ADH5: variants seen among roughly 807,000 people sequenced by gnomAD.
The protein encoded by ADH5 is alcohol dehydrogenase 5 (class III), chi polypeptide.
Under a neutral mutation model 40.3 loss-of-function variants are expected in ADH5, and 32 were observed. That is an observed-to-expected ratio of 0.79 (90% CI 0.60 to 1.07). The LOEUF is 1.07. Among genes scored for constraint, ADH5 ranks in the 50% least tolerant of loss-of-function variants. The probability of loss-of-function intolerance (pLI) is 0.00; values close to 1 mark genes in which losing one functional copy is unlikely to be tolerated. For missense variants in ADH5, 353 were observed against 460.5 expected (o/e 0.77, Z 2.14); for synonymous variants, 125 against 154.3 (o/e 0.81, Z 1.41).
chr4:99,077,907 TA>T (rs1481585510), intron 4 of ADH5, among the ~76,000 whole-genome samples: 1 of 152,216 alleles, frequency 6.6e-6, no homozygotes, highest in Non-Finnish European at 1.5e-5. Context: ...GCAAGTTAAT[TA>T]ATCTTTATGC....
intron 7 of ADH5, 92 bp from the exon 8 acceptor site, chr4:99,072,803 T>G: frequency 2.5e-6 from 3 of 1,220,892 alleles, no homozygotes; most frequent in Non-Finnish European, 3.5e-6. Flanking sequence ...AGAATGAATT[T>G]TTTGATGAGT....
intron 7 of ADH5, among the ~76,000 whole-genome samples, chr4:99,073,200 A>G (rs1232644660): frequency 6.6e-6 from 1 of 152,144 alleles, no homozygotes; most frequent in Non-Finnish European, 1.5e-5. Flanking sequence ...TGTTTTTGAG[A>G]CGGAGTCTCG....
chr4:99,083,600 C>CAAAAAAAA (rs6148593), intron 2 of ADH5, among the ~76,000 whole-genome samples: 1 of 85,168 alleles, frequency 1.2e-5, no homozygotes. Context: ...ACTCTGTCTC[C>CAAAAAAAA]AAAAAAAAAA....
At chr4:99,082,441 T>C (rs772719561) in intron 2 of ADH5, among the ~76,000 whole-genome samples, 5 of 152,224 alleles carry the variant, frequency 3.3e-5, no homozygotes, top group African/African-American at 1.2e-4. Flanking sequence ...CCTTCAAGCA[T>C]GGAGAGAACC....
At chr4:99,078,698 G>A (rs954605901) in intron 4 of ADH5, among the ~76,000 whole-genome samples, 4 of 152,166 alleles carry the variant, frequency 2.6e-5, no homozygotes, top group Admixed American at 2.6e-4. Flanking sequence ...CACTGCACCC[G>A]ACTAAAAATA....
intron 4 of ADH5, among the ~76,000 whole-genome samples, chr4:99,077,918 C>T (rs577768256): frequency 5.9e-5 from 9 of 152,200 alleles, no homozygotes; most frequent in Non-Finnish European, 1.0e-4. Flanking sequence ...AATCTTTATG[C>T]CTTCATTTTC....
In ADH5 at chr4:99,071,383, C is replaced by G. The variant is rs1456299106; in HGVS notation, c.*1034G>C. On this transcript the variant is annotated 3_prime_UTR_variant, in exon 9 of 9. Transcript: ENST00000296412. ...AGTGAGCCCAATGCAGAAGAATGTT[C>G]CACTACAGTGTTATAATACAGAAAC... is the stretch of plus-strand genomic sequence containing the variant. 1 of 152,198 alleles carries G rather than the reference C, an allele frequency of 6.6e-6. No homozygotes were observed. The highest frequency in any genetic ancestry group is 1.5e-5 in the Non-Finnish European group (1 of 68,046). The allele number at this position is 152,198 out of a possible 1,614,324, so 9.4% of individuals were successfully genotyped here. A position where few individuals can be genotyped will look rare whatever the true frequency, so the allele number is the denominator to read the frequency against.
intron 4 of ADH5, among the ~76,000 whole-genome samples, chr4:99,078,805 T>C (rs1197904622): frequency 6.6e-6 from 1 of 152,230 alleles, no homozygotes; most frequent in Non-Finnish European, 1.5e-5. Flanking sequence ...CAAAAGGTGA[T>C]GTGGAATACA....
intron 4 of ADH5, chr4:99,079,962 C>A (rs1397626574): frequency 2.2e-6 from 1 of 453,006 alleles, no homozygotes; most frequent in South Asian, 1.6e-5. Context: ...GCTGGTGATA[C>A]TGGGCACACC....
chr4:99,081,668 G>GA (rs1031738118), intron 3 of ADH5: 1 of 561,928 alleles, frequency 1.8e-6, no homozygotes, highest in Non-Finnish European at 3.2e-6. Context: ...AACAATAACT[G>GA]AAGAACAATG....
rs992991917 is a variant in ADH5, at chr4:99,088,693, T to C, written c.8A>G (p.Asn3Ser). 23 of 1,607,118 alleles carry C rather than the reference T, an allele frequency of 1.4e-5. No individual in the cohort carries two copies. The highest frequency in any genetic ancestry group is 2.0e-5 in the Non-Finnish European group (23 of 1,176,130). MA[N>S]EVIKCKAAVA... ...CCTCCGCTCAACGGGCCCTACCTCG[T>C]TCGCCATGTTCACGGATTCTGGTCG... The change falls in exon 1 of 9, where the codon AAC becomes AGC. Residue 3 changes from asparagine (N) to serine (S), a missense_variant. Transcript: ENST00000296412.
chr4:99,077,031 T>C (rs1727944790), intron 4 of ADH5, 108 bp from the exon 5 acceptor site: 1 of 791,180 alleles, frequency 1.3e-6, no homozygotes, highest in Admixed American at 2.9e-5. Flanking sequence ...GAAAGTGTTG[T>C]AAACTACAAT....
chr4:99,088,784 GCGA>G lies in ADH5; in HGVS notation c.-87_-85del. 1.1e-6 allele frequency: 1 copy of G among 896,918 alleles called. No individual in the cohort carries two copies. The highest frequency in any genetic ancestry group is 1.7e-5 in the South Asian group (1 of 60,116). The allele number at this position is 896,918 out of a possible 1,614,324, so 55.6% of individuals were successfully genotyped here. A position where few individuals can be genotyped will look rare whatever the true frequency, so the allele number is the denominator to read the frequency against. ...GAGGCATGGGCGTGGCGAGCGCCTA[GCGA>G]GGGGGGCGGGGCGTGGGGGGGGCTT... is the stretch of plus-strand genomic sequence containing the variant. On this transcript the variant is annotated 5_prime_UTR_variant, in exon 1 of 9. Coordinates refer to ENST00000296412, the MANE Select transcript of ADH5 (RefSeq NM_000671.4).
At chr4:99,088,306 G>A (rs1394752150) in intron 1 of ADH5, among the ~76,000 whole-genome samples, 1 of 152,158 alleles carries the variant, frequency 6.6e-6, no homozygotes, top group Non-Finnish European at 1.5e-5. Context: ...CTGCAGCTCT[G>A]CCAAGTATGC....
chr4:99,074,848 G>T, intron 7 of ADH5, 66 bp downstream of exon 7: 2 of 1,475,932 alleles, frequency 1.4e-6, no homozygotes, highest in Non-Finnish European at 1.8e-6. Flanking sequence ...TTAGGTGGCT[G>T]GGATTAAACA....
intron 7 of ADH5, among the ~76,000 whole-genome samples, chr4:99,073,304 G>C (rs13127586): frequency 2.6e-5 from 4 of 151,884 alleles, no homozygotes; most frequent in Admixed American, 2.6e-4. Context: ...TCAGCCTCCC[G>C]GGTAGCTGGG....
intron 4 of ADH5, among the ~76,000 whole-genome samples, chr4:99,078,080 C>CT (rs925104810): frequency 1.6e-4 from 24 of 152,020 alleles, no homozygotes; most frequent in Admixed American, 1.6e-3. Flanking sequence ...ACTATAATTG[C>CT]TTTTTTTGAG....
Position 99,083,600 on chromosome 4 carries a change from CAAAAA to C in ADH5, c.115-1489_115-1485del, listed in dbSNP as rs6148593. Among the ~76,000 whole-genome samples, 11 of 85,232 alleles carry C rather than the reference CAAAAA, an allele frequency of 1.3e-4. No homozygotes were observed. The South Asian group carries it at 4.2e-3, about 33-fold the overall frequency. The allele number at this position is 85,232 out of a possible 152,430, so 55.9% of individuals were successfully genotyped here. A position where few individuals can be genotyped will look rare whatever the true frequency, so the allele number is the denominator to read the frequency against. ...GGGCGACAGAGTGAAACTCTGTCTC[CAAAAA>C]AAAAAAAAAAAAAAAAAAAAAGATA... On this transcript the variant is annotated intron_variant, in intron 2 of 8. Coordinates refer to ENST00000296412, the MANE Select transcript of ADH5 (RefSeq NM_000671.4).
Position 99,081,381 on chromosome 4 carries a change from G to C in ADH5, c.328C>G (p.Leu110Val). 1.3e-6 allele frequency: 2 copies of C among 1,598,506 alleles called. No individual in the cohort carries two copies. ...CKFCLNPKTN[L>V]CQKIRVTQGK... ...GATACTAACCTTATCTTCTGGCAAA[G>C]GTTAGTTTTAGGATTTAGACAAAAT... The change falls in exon 4 of 9, where the codon CTT (leucine) becomes GTT (valine). Residue 110 changes from leucine to valine, a missense_variant. By Grantham distance (32) the Leu-to-Val change is conservative. Coordinates refer to ENST00000296412, the MANE Select transcript of ADH5 (RefSeq NM_000671.4).
Sources: allele counts gnomAD v4.1 joint callset (sites outside exome capture counted in the v4.1 genomes callset), GRCh38; gene constraint gnomAD v4.1.1; transcripts MANE v1.5; gene names NCBI Gene and HGNC (gene_info 2026-07-23, HGNC 2026-07-21).